Variants in MAP4 observed in about 807,000 individuals in gnomAD.
The protein encoded by MAP4 is microtubule-associated protein 4.
A neutral mutation model predicts 170.2 loss-of-function variants in MAP4; 76 were observed. That is an observed-to-expected ratio of 0.45 (90% CI 0.37 to 0.54). MAP4 has a LOEUF of 0.54. Among genes scored for constraint, MAP4 ranks in the 20% least tolerant of loss-of-function variants. The probability of loss-of-function intolerance (pLI) is 0.00; values close to 1 mark genes in which losing one functional copy is unlikely to be tolerated. For synonymous variants in MAP4, 909 were observed against 994.5 expected, an observed-to-expected ratio of 0.91 and a Z score of 1.62; for missense variants, 2,506 against 2,748.0, an observed-to-expected ratio of 0.91 and a Z score of 1.97.
At chr3:47,946,630 G>T (rs1339606427) in intron 3 of MAP4, among the ~76,000 whole-genome samples, 1 of 140,688 alleles carries the variant, frequency 7.1e-6, no homozygotes, top group African/African-American at 2.7e-5. Context: ...CTCCTGTCTG[G>T]GTGACAAAGG....
chr3:47,853,473 A>G, intron 19 of MAP4, 121 bp from the exon 20 acceptor site: 1 of 729,434 alleles, frequency 1.4e-6, no homozygotes, highest in Non-Finnish European at 2.2e-6. Flanking sequence ...CACTGGCTCA[A>G]GGCACAGTCG....
rs1432992073 is a variant in MAP4, at chr3:47,878,533, CCA to C, written c.5435-1012_5435-1011del. 5.3e-5 allele frequency among the ~76,000 whole-genome samples: 8 copies of C among 151,980 alleles called. No individual in the cohort carries two copies. The East Asian group carries it at 1.5e-3, about 29-fold the overall frequency. On this transcript the variant is annotated intron_variant, in intron 10 of 20. Coordinates refer to ENST00000683076, the MANE Select transcript of MAP4 (RefSeq NM_001385682.1). ...TAAGTATAAGAAAAATAAAAAAACC[CCA>C]CTGAAATGCCATTTTATTTTTTGAG...
chr3:47,927,701 T>C (rs972553463), intron 4 of MAP4, among the ~76,000 whole-genome samples: 1 of 152,144 alleles, frequency 6.6e-6, no homozygotes, highest in Non-Finnish European at 1.5e-5. Flanking sequence ...TCTCGAACTC[T>C]CGAACTCAGG....
chr3:47,859,631 A>C, intron 17 of MAP4, among the ~76,000 whole-genome samples: 1 of 152,150 alleles, frequency 6.6e-6, no homozygotes, highest in East Asian at 1.9e-4. Context: ...TCTCTTTCTC[A>C]TATCATCTCT....
intron 17 of MAP4, among the ~76,000 whole-genome samples, chr3:47,863,765 C>T (rs1341040366): frequency 1.3e-5 from 2 of 151,924 alleles, no homozygotes; most frequent in African/African-American, 2.4e-5. Flanking sequence ...CTCATCACTC[C>T]CCTCCCTCCC....
chr3:47,861,240 GT>G (rs894115666), intron 17 of MAP4, among the ~76,000 whole-genome samples: 1 of 152,054 alleles, frequency 6.6e-6, no homozygotes, highest in Non-Finnish European at 1.5e-5. Flanking sequence ...GGGCACTGTA[GT>G]CCCAGTTACT....
At position 47,911,166 on chromosome 3, in the gene MAP4, T is replaced by A; in HGVS notation, c.3255A>T (p.Pro1085=). 1 of 1,536,116 alleles carries A rather than the reference T, an allele frequency of 6.5e-7. No individual in the cohort carries two copies. Among genetic ancestry groups the A allele is most frequent in the Non-Finnish European group, 8.7e-7 (1 of 1,146,898 alleles). Residue 1085 remains proline (P), a synonymous_variant, in exon 9 of 21, where the codon CCA becomes CCT. Transcript: ENST00000683076. This position sits in a 1 kb window ranked among gnomAD's most constrained non-coding sequence, Gnocchi z 4.0. ...CGTCCTTCTGGCTGTCCAGAAGAAA[T>A]GGCAGCTCAGATTTTGCTTTTACCT... ...SGKVKAKSEL[P]FLLDSQKDGR...
At chr3:47,968,700 A>G (rs1045761802) in intron 3 of MAP4, among the ~76,000 whole-genome samples, 1 of 152,144 alleles carries the variant, frequency 6.6e-6, no homozygotes, top group African/African-American at 2.4e-5. Flanking sequence ...GAAAAATAGC[A>G]AACTAAACTC....
At chr3:47,880,095 C>T (rs1450667557) in intron 10 of MAP4, among the ~76,000 whole-genome samples, 1 of 151,830 alleles carries the variant, frequency 6.6e-6, no homozygotes, top group Non-Finnish European at 1.5e-5. Flanking sequence ...TTTCTTCAGA[C>T]TATAACAGAT....
intron 2 of MAP4, among the ~76,000 whole-genome samples, chr3:47,995,283 TTC>T (rs2100094806): frequency 6.7e-6 from 1 of 149,936 alleles, no homozygotes; most frequent in Non-Finnish European, 1.5e-5. Flanking sequence ...CAGAGTCTCG[TTC>T]TCTCGCCCAG....
intron 1 of MAP4, among the ~76,000 whole-genome samples, chr3:48,022,396 A>C (rs562222968): frequency 1.4e-4 from 21 of 152,278 alleles, no homozygotes; most frequent in South Asian, 4.1e-4. Flanking sequence ...GCAAGAAGGG[A>C]GGGAGGGAAA....
In MAP4 at chr3:47,998,734, C is replaced by G; in HGVS notation, c.127G>C (p.Gly43Arg). Residue 43 changes from glycine to arginine, a missense_variant, in exon 2 of 21, where the codon GGA becomes CGA. Around this residue, in one of 3 missense-constraint regions of MAP4, gnomAD observed 2,008 missense variants for 2,206.0 expected, o/e 0.91. Coordinates refer to ENST00000683076, the MANE Select transcript of MAP4 (RefSeq NM_001385682.1). ...AGGAGAGGAATATAGTCTGTTTTTC[C>G]AACAGTTTCTCCCACAACATCATCA... ...AFDDVVGETV[G>R]KTDYIPLLDV... The G allele has an allele frequency of 6.2e-7, 1 of 1,614,014 alleles. No homozygotes were observed. Among genetic ancestry groups the G allele is most frequent in the Non-Finnish European group, 8.5e-7 (1 of 1,179,950 alleles).
intron 2 of MAP4, among the ~76,000 whole-genome samples, chr3:47,979,159 A>G (rs1436466324): frequency 1.3e-5 from 2 of 151,928 alleles, no homozygotes; most frequent in Non-Finnish European, 2.9e-5. Flanking sequence ...TAAATTTTGT[A>G]TATGGTGTAA....
intron 3 of MAP4, among the ~76,000 whole-genome samples, chr3:47,956,221 G>C (rs1407148476): frequency 6.6e-6 from 1 of 152,114 alleles, no homozygotes; most frequent in Non-Finnish European, 1.5e-5. Flanking sequence ...AAGTTACATA[G>C]GAGGTAGCTC....
At chr3:47,888,368 A>G (rs1390805947) in intron 10 of MAP4, among the ~76,000 whole-genome samples, 1 of 151,848 alleles carries the variant, frequency 6.6e-6, no homozygotes, top group African/African-American at 2.4e-5. Flanking sequence ...CTTTGGGTCC[A>G]CTCTGCTTTT....
intron 1 of MAP4, among the ~76,000 whole-genome samples, chr3:48,085,341 AG>A (rs2100148553): frequency 6.6e-6 from 1 of 152,230 alleles, no homozygotes; most frequent in Non-Finnish European, 1.5e-5. Flanking sequence ...CTATGAGATT[AG>A]GAAGAATCTA....
Position 47,915,947 on chromosome 3 carries a change from G to A in MAP4, c.1876+4C>T, listed in dbSNP as rs183408755. On this transcript the variant is annotated splice_donor_region_variant and intron_variant, in intron 7 of 20. Transcript: ENST00000683076. The stretch of plus-strand genomic sequence containing the variant: ...AAATACTGAGAATAAGCACAAGCAC[G>A]TACCTGGTGAAATCATGAAAGTAGG... 2.4e-5 allele frequency: 38 copies of A among 1,604,724 alleles called. No individual in the cohort carries two copies. Among genetic ancestry groups the A allele is most frequent in the East Asian group, 1.3e-4 (6 of 44,864 alleles).
intron 3 of MAP4, among the ~76,000 whole-genome samples, chr3:47,965,632 T>C (rs1209480099): frequency 6.6e-6 from 1 of 152,238 alleles, no homozygotes; most frequent in African/African-American, 2.4e-5. Flanking sequence ...TGGTTTTGAT[T>C]TGCATTTCTC....
chr3:47,925,912 T>TTG (rs2100045623), intron 4 of MAP4, among the ~76,000 whole-genome samples: 2 of 152,234 alleles, frequency 1.3e-5, no homozygotes, highest in African/African-American at 4.8e-5. Context: ...TGGAGTACAA[T>TTG]GGCACGATCT....
Sources: allele counts gnomAD v4.1 joint callset (sites outside exome capture counted in the v4.1 genomes callset), GRCh38; gene constraint gnomAD v4.1.1; regional missense constraint gnomAD v4.1.1; non-coding constraint Gnocchi (gnomAD v3.1); transcripts MANE v1.5; gene names NCBI Gene and HGNC (gene_info 2026-07-23, HGNC 2026-07-21).